SLC22A4: variants seen among roughly 807,000 people sequenced by gnomAD.
SLC22A4 encodes ET transporter.
SLC22A4 carries 39 observed loss-of-function variants against 56.6 expected under a neutral mutation model. That is an observed-to-expected ratio of 0.69 (90% CI 0.53 to 0.90). The LOEUF (loss-of-function observed/expected upper bound fraction) is 0.90, where lower values mean the gene tolerates loss of function less well. Among genes scored for constraint, SLC22A4 ranks in the 40% least tolerant of loss-of-function variants. SLC22A4 has a pLI of 0.00. For missense variants in SLC22A4, 594 were observed against 696.5 expected (o/e 0.85, Z 1.66); for synonymous variants, 241 against 281.4 (o/e 0.86, Z 1.44).
intron 1 of SLC22A4, among the ~76,000 whole-genome samples, chr5:132,307,370 C>T (rs1750066523): frequency 6.6e-6 from 1 of 152,170 alleles, no homozygotes; most frequent in Non-Finnish European, 1.5e-5. Context: ...ATTTTTCACT[C>T]ACAGTCATCT....
chr5:132,306,553 C>T (rs1008036176), intron 1 of SLC22A4, among the ~76,000 whole-genome samples: 1 of 149,998 alleles, frequency 6.7e-6, no homozygotes, highest in Non-Finnish European at 1.5e-5. Context: ...TCAAGCAACT[C>T]TCCTGCCTCA....
rs546479134 is a variant in SLC22A4, at chr5:132,327,273, A to G, written c.825-4A>G. Reference sequence around the variant, plus strand: ...AATTATTAAATATTAAAAATAAATTATAGGTTCATTCCTGAATCTCCCCGA... The same window carrying G: ...AATTATTAAATATTAAAAATAAATTGTAGGTTCATTCCTGAATCTCCCCGA... On this transcript the variant is annotated splice_polypyrimidine_tract_variant and splice_region_variant and intron_variant, in intron 4 of 9. Transcript: ENST00000200652. 3.2e-6 allele frequency: 5 copies of G among 1,549,214 alleles called. No individual in the cohort carries two copies. In the African/African-American group the frequency reaches 6.9e-5, roughly 21 times the overall value.
chr5:132,329,463 A>G (rs758481948), intron 5 of SLC22A4, among the ~76,000 whole-genome samples: 3 of 137,478 alleles, frequency 2.2e-5, no homozygotes, highest in African/African-American at 8.7e-5. Context: ...TGTTCTGCTC[A>G]TTGCTCATGC....
In SLC22A4 at chr5:132,324,691, A is replaced by C. The variant is rs1316395018; in HGVS notation, c.824+2336A>C. ...CATCAGTCTAGTGGTTGGGGTATGG[A>C]GGGATGCTTAGAGCTGACATGGACC... On this transcript the variant is annotated intron_variant, in intron 4 of 9. Coordinates refer to ENST00000200652, the MANE Select transcript of SLC22A4 (RefSeq NM_003059.3). 3 of 424,758 alleles carry C rather than the reference A, an allele frequency of 7.1e-6. No homozygotes were observed. The East Asian group carries it at 2.1e-4, about 30-fold the overall frequency. 26.3% of individuals were successfully genotyped at this position (424,758 alleles called of 1,614,324 possible). A position where few individuals can be genotyped will look rare whatever the true frequency, so the allele number is the denominator to read the frequency against.
At chr5:132,298,523 A>G (rs1749829756) in intron 1 of SLC22A4, among the ~76,000 whole-genome samples, 1 of 152,266 alleles carries the variant, frequency 6.6e-6, no homozygotes, top group Admixed American at 6.5e-5. Flanking sequence ...AGATGAAAGT[A>G]GTGTTGGAGA....
chr5:132,310,600 C>G (rs1314070042), intron 1 of SLC22A4, among the ~76,000 whole-genome samples: 1 of 152,166 alleles, frequency 6.6e-6, no homozygotes, highest in Non-Finnish European at 1.5e-5. Flanking sequence ...CTTCCTGGCC[C>G]GAGTTGTTTT....
rs752321032 is a variant in SLC22A4 at position 132,306,637 on chromosome 5, G to A, written c.394-5524G>A. 9.5e-4 allele frequency among the ~76,000 whole-genome samples: 143 copies of A among 151,100 alleles called. 2 individuals are homozygous for A. The highest frequency in any genetic ancestry group is 2.9e-4 in the Non-Finnish European group (20 of 67,856). ...ATTTTTGCATTTTTAGTAGAGACAG[G>A]GTTTCACCATGTTACCCAGGCTGGT... On this transcript the variant is annotated intron_variant, in intron 1 of 9. Transcript: ENST00000200652.
At chr5:132,315,037 T>G (rs915484671) in intron 3 of SLC22A4, among the ~76,000 whole-genome samples, 1 of 152,000 alleles carries the variant, frequency 6.6e-6, no homozygotes. Context: ...CACAGGGAGC[T>G]TCAGGCCAGT....
At chr5:132,297,495 C>T (rs1749806390) in intron 1 of SLC22A4, among the ~76,000 whole-genome samples, 1 of 152,138 alleles carries the variant, frequency 6.6e-6, no homozygotes, top group African/African-American at 2.4e-5. Flanking sequence ...GACTCCACTG[C>T]CAACCACCTG....
chr5:132,340,431 AC>A, intron 8 of SLC22A4, 133 bp from the exon 9 acceptor site: 1 of 866,620 alleles, frequency 1.2e-6, no homozygotes, highest in Non-Finnish European at 2.0e-6. Flanking sequence ...TATTTTGCTT[AC>A]TTTTTTTTCT....
At chr5:132,297,959 T>G (rs1478497651) in intron 1 of SLC22A4, among the ~76,000 whole-genome samples, 2 of 152,046 alleles carry the variant, frequency 1.3e-5, no homozygotes, top group Non-Finnish European at 2.9e-5. Flanking sequence ...AAAAAAGTGT[T>G]GTTGTTGTTT....
intron 1 of SLC22A4, chr5:132,295,751 G>C (rs1038222192): frequency 5.7e-6 from 1 of 174,964 alleles, no homozygotes; most frequent in East Asian, 1.6e-4. Context: ...GTAAGGACCT[G>C]GGTCAGGATA....
intron 3 of SLC22A4, among the ~76,000 whole-genome samples, chr5:132,317,974 T>C (rs538940650): frequency 5.3e-5 from 8 of 152,368 alleles, no homozygotes; most frequent in African/African-American, 1.7e-4. Flanking sequence ...AACTTACTCC[T>C]GTCTATTCAC....
rs1750969241 is a variant in SLC22A4 at position 132,334,743 on chromosome 5, G to T, written c.1072G>T (p.Ala358Ser). Residue 358 changes from alanine (A) to serine (S), a missense_variant, in exon 7 of 10, where the codon GCT (alanine) becomes TCT (serine). By Grantham distance (99) the Ala-to-Ser change is moderately conservative. Transcript: ENST00000200652. The stretch of plus-strand genomic sequence containing the variant: ...GATGCTGACCTCAGTGGGTTACTTT[G>T]CTCTGTCTCTGGATGCTCCTAATTT... Reference protein sequence around the residue: ...LWMLTSVGYFALSLDAPNLHG... With the variant: ...LWMLTSVGYFSLSLDAPNLHG... 3 of 1,613,688 alleles carry T rather than the reference G, an allele frequency of 1.9e-6. No individual in the cohort carries two copies. The highest frequency in any genetic ancestry group is 1.3e-5 in the African/African-American group (1 of 74,876).
chr5:132,333,913 C>T (rs1459929220), intron 6 of SLC22A4, among the ~76,000 whole-genome samples: 5 of 152,174 alleles, frequency 3.3e-5, no homozygotes, highest in African/African-American at 1.2e-4. Context: ...TCAAGCAATT[C>T]TCCTGTCTCA....
chr5:132,331,516 G>C (rs1334905550), intron 5 of SLC22A4, among the ~76,000 whole-genome samples: 1 of 152,172 alleles, frequency 6.6e-6, no homozygotes, highest in Non-Finnish European at 1.5e-5. Context: ...TGTCTAACGA[G>C]ACAGGGAAGG....
intron 4 of SLC22A4, among the ~76,000 whole-genome samples, chr5:132,324,286 A>G (rs1395613105): frequency 6.6e-6 from 1 of 152,158 alleles, no homozygotes; most frequent in Non-Finnish European, 1.5e-5. Flanking sequence ...TGGGCTGTAC[A>G]GAGATTAGTA....
chr5:132,325,739 A>G (rs1026989994), intron 4 of SLC22A4, among the ~76,000 whole-genome samples: 3 of 152,198 alleles, frequency 2.0e-5, no homozygotes, highest in African/African-American at 7.2e-5. Context: ...AGAATATTCT[A>G]GGTCAATACA....
At position 132,316,034 on chromosome 5, in the gene SLC22A4, A is replaced by G. The variant is rs1420619466; in HGVS notation, c.652+2266A>G. The stretch of plus-strand genomic sequence containing the variant: ...CTCTCTGGTGTTTCTGGGATAAAAT[A>G]GCTGAATTCCAGGTTGTATTTGACT... On this transcript the variant is annotated intron_variant, in intron 3 of 9. Transcript: ENST00000200652. Among the ~76,000 whole-genome samples the G allele has an allele frequency of 2.0e-5, 3 of 152,192 alleles. No individual in the cohort carries two copies. The South Asian group carries it at 6.2e-4, about 31-fold the overall frequency.
Sources: allele counts gnomAD v4.1 joint callset (sites outside exome capture counted in the v4.1 genomes callset), GRCh38; gene constraint gnomAD v4.1.1; transcripts MANE v1.5; gene names NCBI Gene and HGNC (gene_info 2026-07-23, HGNC 2026-07-21).